The following CLUH variants were observed in gnomAD, a reference collection of about 807,000 sequenced individuals.
CLUH encodes clustered mitochondria protein homolog.
Under a neutral mutation model 139.3 loss-of-function variants are expected in CLUH, and 77 were observed. The ratio of observed to expected loss-of-function variants is 0.55; its 90% CI spans 0.46 to 0.67. The LOEUF is 0.67. CLUH is among the 30% of genes least tolerant of loss of function. The pLI is 0.00. For synonymous variants in CLUH, 999 were observed against 801.6 expected (o/e 1.25, Z -4.16); for missense variants, 1,876 against 1,875.8 (o/e 1.00, Z 0.00).
chr17:2,703,567 G>A lies in CLUH; in HGVS notation c.304-78C>T. ...GAAGGCCCCAACCGCCCCGGTGAGAGGCCACGTAGCGGACAGCAAGGACAA... is the reference window on the plus strand; with the variant it reads ...GAAGGCCCCAACCGCCCCGGTGAGAAGCCACGTAGCGGACAGCAAGGACAA... On this transcript the variant is annotated intron_variant, in intron 2 of 25. Coordinates refer to ENST00000651024, the MANE Select transcript of CLUH (RefSeq NM_001366661.1). The surrounding 1 kb of genome is among the most constrained non-coding windows in gnomAD (Gnocchi z 4.2). 6 of 1,461,096 alleles carry A rather than the reference G, an allele frequency of 4.1e-6. No individual in the cohort carries two copies. Among genetic ancestry groups the A allele is most frequent in the Non-Finnish European group, 5.6e-6 (6 of 1,062,494 alleles). The allele number at this position is 1,461,096 out of a possible 1,614,324, so 90.5% of individuals were successfully genotyped here. A position where few individuals can be genotyped will look rare whatever the true frequency, so the allele number is the denominator to read the frequency against.
At chr17:2,696,980 A>G (rs1350063151) in intron 10 of CLUH, 38 bp from the exon 11 acceptor site, 1 of 1,461,168 alleles carries the variant, frequency 6.8e-7, no homozygotes, top group Non-Finnish European at 9.2e-7. Context: ...GGAGCTGGAC[A>G]TCGGGGAGAG....
chr17:2,706,413 G>A lies in CLUH; in HGVS notation c.101-1849C>T, dbSNP rs567157147. ...GTCAACCAAGTCAGAATGGGCCCCA[G>A]ACTCCCTCCTGCAGCCCGCACCCTA... On this transcript the variant is annotated intron_variant, in intron 1 of 25. Coordinates refer to ENST00000651024, the MANE Select transcript of CLUH (RefSeq NM_001366661.1). This position sits in a 1 kb window ranked among gnomAD's most constrained non-coding sequence, Gnocchi z 4.6. 6.6e-6 allele frequency among the ~76,000 whole-genome samples: 1 copy of A among 152,174 alleles called. No individual in the cohort carries two copies. The highest frequency in any genetic ancestry group is 2.1e-4 in the South Asian group (1 of 4,818).
At chr17:2,692,998 G>T (rs1438033133) in intron 19 of CLUH, 138 bp from the exon 20 acceptor site, 2 of 720,038 alleles carry the variant, frequency 2.8e-6, no homozygotes, top group South Asian at 5.4e-5. Context: ...CAGTGCAGCA[G>T]GGGGGAGGGG....
chr17:2,695,702 A>G (rs2069914040), intron 13 of CLUH, 176 bp from the exon 14 acceptor site: 2 of 836,262 alleles, frequency 2.4e-6, no homozygotes, highest in Non-Finnish European at 3.6e-6. Flanking sequence ...GCCAAGAACC[A>G]AGAGCCCGGT....
intron 16 of CLUH, 45 bp from the exon 17 acceptor site, chr17:2,694,609 C>A (rs1035771887): frequency 1.3e-6 from 2 of 1,488,474 alleles, no homozygotes; most frequent in Non-Finnish European, 1.8e-6. Flanking sequence ...CACCGCCGGG[C>A]CCCCCCAACA....
At chr17:2,708,122 A>G (rs1478974968) in intron 1 of CLUH, 20 of 456,156 alleles carry the variant, frequency 4.4e-5, no homozygotes, top group Non-Finnish European at 5.5e-5. Context: ...GGCCTCTGAC[A>G]TGCTGCCAGT....
At position 2,696,868 on chromosome 17, in the gene CLUH, G is replaced by C. The variant is rs769480484; in HGVS notation, c.2036C>G (p.Ser679Cys). The part of the protein sequence containing the change: ...QNASQLETPS[S>C]LENGGPSSLE... ...GGAGGAAGGACCACCATTTTCCAGG[G>C]AGGAGGGGGTCTCCAGCTGGCTGGC... Residue 679 changes from serine (S) to cysteine (C), a missense_variant, in exon 11 of 26, where the codon TCC becomes TGC. By Grantham distance (112) the Ser-to-Cys change is moderately radical (BLOSUM62 -1). Transcript: ENST00000651024. 3.1e-6 allele frequency: 5 copies of C among 1,613,126 alleles called. No individual in the cohort carries two copies. The African/African-American group carries it at 5.3e-5, about 17-fold the overall frequency.
chr17:2,695,789 G>A (rs925513690), intron 13 of CLUH: 15 of 588,754 alleles, frequency 2.5e-5, no homozygotes, highest in Non-Finnish European at 4.2e-5. Context: ...CCCCAGCCCC[G>A]TGTCCTGAGG....
In CLUH at chr17:2,704,453, T is replaced by C; in HGVS notation, c.212A>G (p.Asp71Gly). The C allele has an allele frequency of 9.3e-6, 15 of 1,606,008 alleles. No individual in the cohort carries two copies. Among genetic ancestry groups the C allele is most frequent in the Non-Finnish European group, 1.3e-5 (15 of 1,176,708 alleles). ...ENGLDEAGPG[D>G]ETTGQEVIVI... Reference sequence around the variant, plus strand: ...AATGACTTCCTGGCCGGTGGTCTCATCTCCCGGGCCGGCCTCGTCAAGCCC... The same window carrying C: ...AATGACTTCCTGGCCGGTGGTCTCACCTCCCGGGCCGGCCTCGTCAAGCCC... Residue 71 changes from aspartate (D) to glycine (G), a missense_variant, in exon 2 of 26, where the codon GAT (aspartate) becomes GGT (glycine). Asp to Gly is a moderately conservative substitution (Grantham distance 94). Transcript: ENST00000651024. This position sits in a 1 kb window ranked among gnomAD's most constrained non-coding sequence, Gnocchi z 5.7.
intron 12 of CLUH, 81 bp downstream of exon 12, chr17:2,696,353 C>A (rs2069942600): frequency 6.6e-7 from 1 of 1,509,544 alleles, no homozygotes; most frequent in Non-Finnish European, 9.0e-7. Context: ...GGGGACAAAC[C>A]CACCAGCCCC....
In CLUH at chr17:2,698,037, G is replaced by A. The variant is rs755026813; in HGVS notation, c.1820C>T (p.Thr607Ile). 2 of 1,605,950 alleles carry A rather than the reference G, an allele frequency of 1.2e-6. No homozygotes were observed. The highest frequency in any genetic ancestry group is 1.7e-6 in the Non-Finnish European group (2 of 1,179,096). The change falls in exon 10 of 26, where the codon ACC becomes ATC. Residue 607 changes from threonine to isoleucine, a missense_variant. Around this residue, in one of 3 missense-constraint regions of CLUH, gnomAD observed 1,454 missense variants for 1,384.4 expected, o/e 1.05. Transcript: ENST00000651024. ...CAGGAAGTTGAGGTCCGGGGGGAAG[G>A]TGCGCAGCAGGTCGAGGATGTAGTG... is the stretch of plus-strand genomic sequence containing the variant. ...GRHYILDLLR[T>I]FPPDLNFLPV...
chr17:2,690,598 C>A lies in CLUH; in HGVS notation c.4043G>T (p.Gly1348Val). Residue 1348 changes from glycine to valine, a missense_variant, in exon 26 of 26, where the codon GGA (glycine) becomes GTA (valine). This residue lies in a region of CLUH where 1,454 missense variants were observed against 1,384.4 expected (regional missense o/e 1.05). Transcript: ENST00000651024. The stretch of plus-strand genomic sequence containing the variant: ...GCTGTCCGTCTGGCTCCCTCTCTAT[C>A]CCTGCACGCTCGGAGAAGGGTCCTT... The part of the protein sequence containing the change: ...AAKDPSPSVQ[G>V] The A allele has an allele frequency of 6.8e-7, 1 of 1,480,156 alleles. No individual in the cohort carries two copies. Among genetic ancestry groups the A allele is most frequent in the Non-Finnish European group, 8.9e-7 (1 of 1,118,372 alleles). 91.7% of individuals were successfully genotyped at this position (1,480,156 alleles called of 1,614,324 possible). A position where few individuals can be genotyped will look rare whatever the true frequency, so the allele number is the denominator to read the frequency against.
intron 22 of CLUH, 107 bp from the exon 23 acceptor site, chr17:2,692,204 C>T: frequency 1.4e-6 from 2 of 1,441,164 alleles, no homozygotes; most frequent in Non-Finnish European, 1.9e-6. Context: ...TGGAAGCCAC[C>T]GAGGGGAACA....
intron 10 of CLUH, 73 bp from the exon 11 acceptor site, chr17:2,697,015 G>C: frequency 8.3e-7 from 1 of 1,197,854 alleles, no homozygotes; most frequent in Non-Finnish European, 1.2e-6. Context: ...CACGGCTCCC[G>C]GCAGCTGGGG....
Position 2,700,399 on chromosome 17 carries a change from C to G in CLUH, c.1249G>C (p.Glu417Gln), listed in dbSNP as rs1208598829. ...RKNLPERLLR[E>Q]RAIFKVHSDF... ...GCAGGCACCTTGAATATGGCCCTTT[C>G]TCGGAGCAGCCGCTCAGGCAGGTTC... Residue 417 changes from glutamate (E) to glutamine (Q), a missense_variant, in exon 9 of 26, where the codon GAA becomes CAA. This residue lies in a region of CLUH where 1,454 missense variants were observed against 1,384.4 expected (regional missense o/e 1.05). Coordinates refer to ENST00000651024, the MANE Select transcript of CLUH (RefSeq NM_001366661.1). The G allele has an allele frequency of 6.2e-7, 1 of 1,612,962 alleles. No homozygotes were observed. Among genetic ancestry groups the G allele is most frequent in the Non-Finnish European group, 8.5e-7 (1 of 1,179,734 alleles).
intron 12 of CLUH, 33 bp downstream of exon 12, chr17:2,696,401 G>A: frequency 1.9e-6 from 3 of 1,550,496 alleles, no homozygotes; most frequent in Non-Finnish European, 2.6e-6. Flanking sequence ...TGGCCCTGGA[G>A]GGCTCCTGCG....
chr17:2,696,597 G>A (rs2069955663), intron 11 of CLUH, 59 bp from the exon 12 acceptor site: 3 of 1,528,520 alleles, frequency 2.0e-6, no homozygotes, highest in African/African-American at 1.4e-5. Context: ...GAGCTGGGCT[G>A]CGCCAAGCCT....
chr17:2,690,461 C>CG lies in CLUH; in HGVS notation c.*132dup, dbSNP rs2069576829. 4 of 773,548 alleles carry CG rather than the reference C, an allele frequency of 5.2e-6. No individual in the cohort carries two copies. Among genetic ancestry groups the CG allele is most frequent in the South Asian group, 2.9e-5 (1 of 35,040 alleles). 47.9% of individuals were successfully genotyped at this position (773,548 alleles called of 1,614,324 possible). A position where few individuals can be genotyped will look rare whatever the true frequency, so the allele number is the denominator to read the frequency against. On this transcript the variant is annotated 3_prime_UTR_variant, in exon 26 of 26. Transcript: ENST00000651024. ...GGCAGGCCAGGCTCCCAGGAGGACA[C>CG]GGGGGTGGGGTGGGGTGAGACGTGG...
chr17:2,692,649 G>A lies in CLUH; in HGVS notation c.3360C>T (p.Ala1120=), dbSNP rs370497985. 5 of 1,612,526 alleles carry A rather than the reference G, an allele frequency of 3.1e-6. No homozygotes were observed. Among genetic ancestry groups the A allele is most frequent in the Admixed American group, 1.7e-5 (1 of 59,930 alleles). The change falls in exon 21 of 26, where the codon GCC becomes GCT. Residue 1120 remains alanine, a synonymous_variant. Coordinates refer to ENST00000651024, the MANE Select transcript of CLUH (RefSeq NM_001366661.1). ...AGCGGGCGCGGTACAGCAGGCTCAG[G>A]GCGGTGGACAGCTGGCTGCTGGCGA... ...YCFASSQLST[A]LSLLYRARYL... is the part of the protein sequence containing the mutation.
Sources: gnomAD v4.1 joint callset for allele counts (sites outside exome capture counted in the v4.1 genomes callset) on GRCh38, gnomAD v4.1.1 for gene constraint, gnomAD v4.1.1 regional missense constraint, Gnocchi (gnomAD v3.1) non-coding constraint, MANE v1.5 for transcripts, NCBI Gene and HGNC (gene_info 2026-07-23, HGNC 2026-07-21) for gene names.